Variants in PCNX1 observed in about 807,000 individuals in gnomAD.
PCNX1 encodes pecanex-like protein 1.
A neutral mutation model predicts 242.2 loss-of-function variants in PCNX1; 78 were observed. The ratio of observed to expected loss-of-function variants is 0.32; its 90% CI spans 0.27 to 0.39. The LOEUF is 0.39. Among genes scored for constraint, PCNX1 ranks in the 10% least tolerant of loss-of-function variants. The pLI, the probability that PCNX1 is intolerant of heterozygous loss-of-function variation, is 1.00. For synonymous variants in PCNX1, 1,024 were observed against 1,032.9 expected (o/e 0.99, Z 0.17); for missense variants, 2,581 against 2,856.5 (o/e 0.90, Z 2.20).
rs115620314 is a variant in PCNX1, at chr14:71,114,579, G to A, written c.*4644G>A. The A allele has an allele frequency of 8.5e-5, 13 of 152,638 alleles. No individual in the cohort carries two copies. Among genetic ancestry groups the A allele is most frequent in the African/African-American group, 2.9e-4 (12 of 41,542 alleles). 9.5% of individuals were successfully genotyped at this position (152,638 alleles called of 1,614,324 possible). A position where few individuals can be genotyped will look rare whatever the true frequency, so the allele number is the denominator to read the frequency against. ...TGAACTTCATTATCTGCCATTTTGT[G>A]GAATCAACCTTACATTCTTTGGTGG... is the stretch of plus-strand genomic sequence containing the variant. On this transcript the variant is annotated 3_prime_UTR_variant, in exon 36 of 36. Transcript: ENST00000304743.
intron 9 of PCNX1, among the ~76,000 whole-genome samples, chr14:71,010,083 A>C (rs1373274373): frequency 6.6e-6 from 1 of 152,082 alleles, no homozygotes; most frequent in African/African-American, 2.4e-5. Context: ...TTACTCTAAT[A>C]ATTTGTCATA....
In PCNX1 at chr14:70,947,012, C is replaced by T; in HGVS notation, c.251C>T (p.Ala84Val). 2.5e-6 allele frequency: 4 copies of T among 1,613,744 alleles called. No homozygotes were observed. The highest frequency in any genetic ancestry group is 1.7e-4 in the Middle Eastern group (1 of 6,060). ...LKMVNYRLHR[A>V]LDAGEVVDRT... ...ATGGTCAACTATCGACTACACAGAG[C>T]ACTTGATGCTGGAGAAGTTGTAGAT... The change falls in exon 2 of 36, where the codon GCA (alanine) becomes GTA (valine). Residue 84 changes from alanine (A) to valine (V), a missense_variant. Ala to Val is a moderately conservative substitution (Grantham distance 64). Coordinates refer to ENST00000304743, the MANE Select transcript of PCNX1 (RefSeq NM_014982.3).
intron 1 of PCNX1, among the ~76,000 whole-genome samples, chr14:70,926,653 C>T (rs1187615943): frequency 5.9e-5 from 9 of 151,978 alleles, no homozygotes; most frequent in African/African-American, 1.7e-4. Context: ...TAAGTGTCAA[C>T]GGTGCCCACA....
At chr14:70,910,550 G>T (rs2055854155) in intron 1 of PCNX1, among the ~76,000 whole-genome samples, 2 of 152,002 alleles carry the variant, frequency 1.3e-5, no homozygotes, top group African/African-American at 4.8e-5. Flanking sequence ...AGATACCTGT[G>T]TGGCTGCTCC....
At chr14:70,948,220 T>C (rs2057537907) in intron 2 of PCNX1, among the ~76,000 whole-genome samples, 1 of 152,162 alleles carries the variant, frequency 6.6e-6, no homozygotes, top group Admixed American at 6.6e-5. Flanking sequence ...ACCCATACCC[T>C]ATTCATACAC....
intron 30 of PCNX1, among the ~76,000 whole-genome samples, chr14:71,094,910 G>T (rs926540677): frequency 1.3e-5 from 2 of 152,082 alleles, no homozygotes; most frequent in Non-Finnish European, 2.9e-5. Flanking sequence ...CAGCCTGAGC[G>T]ACAGACCAAG....
intron 30 of PCNX1, among the ~76,000 whole-genome samples, chr14:71,096,870 T>C (rs1045235674): frequency 1.3e-5 from 2 of 152,164 alleles, no homozygotes; most frequent in African/African-American, 2.4e-5. Context: ...GTAAAATGTG[T>C]TTTAGCTGAA....
At chr14:71,028,592 A>C (rs947146211) in intron 15 of PCNX1, 108 bp from the exon 16 acceptor site, 1 of 639,522 alleles carries the variant, frequency 1.6e-6, no homozygotes, top group Non-Finnish European at 2.7e-6. Context: ...ATTAGTAGAT[A>C]TTTAATGATA....
intron 18 of PCNX1, 116 bp from the exon 19 acceptor site, chr14:71,035,949 C>T (rs1327858443): frequency 3.2e-6 from 2 of 620,874 alleles, no homozygotes; most frequent in African/African-American, 1.9e-5. Flanking sequence ...TTCTTTAATA[C>T]TGACTGAGCT....
At chr14:71,087,240 T>A (rs995760852) in intron 28 of PCNX1, among the ~76,000 whole-genome samples, 1 of 152,078 alleles carries the variant, frequency 6.6e-6, no homozygotes, top group African/African-American at 2.4e-5. Flanking sequence ...TGGACCCAAA[T>A]TTTTTTTCAA....
In PCNX1 at chr14:70,969,064, T is replaced by G. The variant is rs947135207; in HGVS notation, c.558T>G (p.Ser186Arg). The G allele has an allele frequency of 6.2e-7, 1 of 1,611,330 alleles. No homozygotes were observed. The highest frequency in any genetic ancestry group is 1.3e-5 in the African/African-American group (1 of 74,846). Residue 186 changes from serine to arginine, a missense_variant, in exon 5 of 36, where the codon AGT becomes AGG. Around this residue, in one of 9 missense-constraint regions of PCNX1, gnomAD observed 1,204 missense variants for 1,216.7 expected, o/e 0.99. Transcript: ENST00000304743. ...TAKTSDDISLSLGQSSSLCKE... is the reference protein window; with the variant it reads ...TAKTSDDISLRLGQSSSLCKE... ...AGACTTCTGATGATATCAGTTTAAG[T>G]CTGGGCCAAAGTTCTAGTCTTTGTA... is the stretch of plus-strand genomic sequence containing the variant.
At chr14:70,921,488 C>A (rs2056372744) in intron 1 of PCNX1, among the ~76,000 whole-genome samples, 1 of 152,052 alleles carries the variant, frequency 6.6e-6, no homozygotes, top group Non-Finnish European at 1.5e-5. Context: ...CTATGTTGCC[C>A]AGGCTGGTAA....
In PCNX1 at chr14:70,947,099, G is replaced by A. The variant is rs1457814125; in HGVS notation, c.338G>A (p.Arg113Lys). ...GCTGAACAAGGCAACTGTTCAACCA[G>A]GAGAAAAGACAGCAATGGACCGAGG... ...TKAEQGNCST[R>K]RKDSNGPSDP... Residue 113 changes from arginine to lysine, a missense_variant, in exon 2 of 36, where the codon AGG (arginine) becomes AAG (lysine). Arg to Lys is a conservative substitution (Grantham distance 26). Transcript: ENST00000304743. The A allele has an allele frequency of 6.2e-7, 1 of 1,611,950 alleles. No homozygotes were observed. Among genetic ancestry groups the A allele is most frequent in the Non-Finnish European group, 8.5e-7 (1 of 1,178,964 alleles).
chr14:71,060,479 GT>G (rs1170945640), intron 26 of PCNX1, among the ~76,000 whole-genome samples: 2 of 152,134 alleles, frequency 1.3e-5, no homozygotes, highest in East Asian at 3.8e-4. Flanking sequence ...CATTTTCTCT[GT>G]GTTTGATTTG....
At chr14:70,928,771 A>T (rs1315880340) in intron 1 of PCNX1, among the ~76,000 whole-genome samples, 1 of 152,194 alleles carries the variant, frequency 6.6e-6, no homozygotes. Context: ...TACCATCCGG[A>T]TAATACTGGG....
At chr14:71,045,054 A>T in intron 19 of PCNX1, 79 bp from the exon 20 acceptor site, 1 of 1,031,270 alleles carries the variant, frequency 9.7e-7, no homozygotes, top group Non-Finnish European at 1.4e-6. Flanking sequence ...TCAGATGGAA[A>T]ATTGAACTGA....
At chr14:71,088,666 T>C (rs1211490116) in intron 29 of PCNX1, among the ~76,000 whole-genome samples, 3 of 152,144 alleles carry the variant, frequency 2.0e-5, no homozygotes, top group Non-Finnish European at 4.4e-5. Context: ...ATATAATGAA[T>C]TTAAGACATT....
chr14:70,989,618 C>T (rs958039432), intron 7 of PCNX1, among the ~76,000 whole-genome samples: 1 of 151,182 alleles, frequency 6.6e-6, no homozygotes, highest in Admixed American at 6.6e-5. Context: ...CAACCTCCGC[C>T]TCCCAAGTTC....
chr14:71,004,374 G>A (rs1378583450), intron 8 of PCNX1, among the ~76,000 whole-genome samples: 1 of 152,248 alleles, frequency 6.6e-6, no homozygotes, highest in Non-Finnish European at 1.5e-5. Flanking sequence ...TGAGCAGGGT[G>A]TGCGGAGCGA....
Sources: gnomAD v4.1 joint callset for allele counts (sites outside exome capture counted in the v4.1 genomes callset) on GRCh38, gnomAD v4.1.1 for gene constraint, gnomAD v4.1.1 regional missense constraint, MANE v1.5 for transcripts, NCBI Gene and HGNC (gene_info 2026-07-23, HGNC 2026-07-21) for gene names.